CSMD1: variants seen among roughly 807,000 people sequenced by gnomAD.
CSMD1 encodes the protein CUB and sushi domain-containing protein 1.
Under a neutral mutation model 417.5 loss-of-function variants are expected in CSMD1, and 213 were observed. The observed-to-expected ratio is 0.51, with a 90% confidence interval of 0.46 to 0.57. The LOEUF (loss-of-function observed/expected upper bound fraction) is 0.57, where lower values mean the gene tolerates loss of function less well. Ranked by LOEUF, CSMD1 falls within the 20% of genes least tolerant of loss-of-function variation. The pLI, the probability that CSMD1 is intolerant of heterozygous loss-of-function variation, is 0.00. For synonymous variants in CSMD1, 2,862 were observed against 1,736.8 expected (o/e 1.65, Z -16.11); for missense variants, 6,923 against 4,529.7 (o/e 1.53, Z -15.17).
chr8:3,366,818 A>C (rs1249816890), intron 20 of CSMD1, among the ~76,000 whole-genome samples: 1 of 152,198 alleles, frequency 6.6e-6, no homozygotes, highest in Non-Finnish European at 1.5e-5. Context: ...TGTGTAACAC[A>C]AAGTGGCATT....
chr8:3,932,208 C>A lies in CSMD1; in HGVS notation c.818+65695G>T, dbSNP rs1291952471. ...CACTGTTTCATCGATACTTTGGTCC[C>A]ATATCATGTTACTGAAAAGGGTCAA... On this transcript the variant is annotated intron_variant, in intron 5 of 69. Transcript: ENST00000635120. Among the ~76,000 whole-genome samples, 2 of 150,202 alleles carry A rather than the reference C, an allele frequency of 1.3e-5. 1 individual carries two copies. The highest frequency in any genetic ancestry group is 3.0e-5 in the Non-Finnish European group (2 of 67,454).
intron 3 of CSMD1, among the ~76,000 whole-genome samples, chr8:4,168,058 G>T (rs1191211887): frequency 6.6e-6 from 1 of 151,616 alleles, no homozygotes; most frequent in East Asian, 1.9e-4. Flanking sequence ...GAAACCAGGA[G>T]GCAGAAGTTG....
At position 3,042,147 on chromosome 8, in the gene CSMD1, C is replaced by G. The variant is rs138219389; in HGVS notation, c.7660+10315G>C. Among the ~76,000 whole-genome samples the G allele has an allele frequency of 2.1e-4, 32 of 152,268 alleles. No homozygotes were observed. The East Asian group carries it at 6.0e-3, about 29-fold the overall frequency. ...GTGATGGGGACAATTCTCCAGGGGT[C>G]TCTCATGCATCTGGTTAGCTGAGAT... On this transcript the variant is annotated intron_variant, in intron 50 of 69. Coordinates refer to ENST00000635120, the MANE Select transcript of CSMD1 (RefSeq NM_033225.6).
intron 11 of CSMD1, among the ~76,000 whole-genome samples, chr8:3,485,910 C>G (rs1360643355): frequency 6.6e-6 from 1 of 152,002 alleles, no homozygotes; most frequent in Non-Finnish European, 1.5e-5. Flanking sequence ...TGTAGATTTG[C>G]AAAACATTTC....
chr8:3,220,839 C>G (rs1798166519), intron 28 of CSMD1, among the ~76,000 whole-genome samples: 1 of 151,952 alleles, frequency 6.6e-6, no homozygotes, highest in African/African-American at 2.4e-5. Context: ...ATCTCAAAAA[C>G]CAATCAACCA....
At chr8:4,758,408 A>G (rs75698362) in intron 1 of CSMD1, among the ~76,000 whole-genome samples, 1,607 of 152,300 alleles carry the variant, frequency 0.011, 13 homozygotes, top group East Asian at 0.054. Context: ...GCAAGGCCAT[A>G]GATTGTAGAA....
At chr8:4,758,607 T>G (rs893623424) in intron 1 of CSMD1, among the ~76,000 whole-genome samples, 1 of 152,124 alleles carries the variant, frequency 6.6e-6, no homozygotes, top group Non-Finnish European at 1.5e-5. Flanking sequence ...AAACAAAAGA[T>G]GTTTAATTGA....
At chr8:4,735,097 G>A (rs573435184) in intron 1 of CSMD1, among the ~76,000 whole-genome samples, 4 of 152,296 alleles carry the variant, frequency 2.6e-5, no homozygotes, top group South Asian at 2.1e-4. Context: ...GAAAGTTTCC[G>A]CAGGGAAGAG....
chr8:4,381,448 T>TG (rs1803099482), intron 3 of CSMD1, among the ~76,000 whole-genome samples: 1 of 152,136 alleles, frequency 6.6e-6, no homozygotes, highest in African/African-American at 2.4e-5. Flanking sequence ...GGGTGGGGGC[T>TG]GGTGCCGACG....
Position 4,359,702 on chromosome 8 carries a change from T to G in CSMD1, c.415+60251A>C, listed in dbSNP as rs376949216. Among the ~76,000 whole-genome samples, 25 of 152,318 alleles carry G rather than the reference T, an allele frequency of 1.6e-4. No homozygotes were observed. In the East Asian group the frequency reaches 3.1e-3, roughly 19 times the overall value. ...ATCCTCAGCCCTCTGGGTTTTAGTG[T>G]GTTTGTCTATAGACAGGAGCACTGT... On this transcript the variant is annotated intron_variant, in intron 3 of 69. Transcript: ENST00000635120.
chr8:3,719,327 C>A lies in CSMD1; in HGVS notation c.932-10836G>T, dbSNP rs186214705. Reference sequence around the variant, plus strand: ...CCAGATAGCTGAGCTCCAATCTCACCCCTGAAATGTTCTGAAATCCTGAGC... The same window carrying A: ...CCAGATAGCTGAGCTCCAATCTCACACCTGAAATGTTCTGAAATCCTGAGC... On this transcript the variant is annotated intron_variant, in intron 6 of 69. Coordinates refer to ENST00000635120, the MANE Select transcript of CSMD1 (RefSeq NM_033225.6). Among the ~76,000 whole-genome samples, 4 of 152,190 alleles carry A rather than the reference C, an allele frequency of 2.6e-5. No homozygotes were observed. In the East Asian group the frequency reaches 7.8e-4, roughly 29 times the overall value.
intron 7 of CSMD1, among the ~76,000 whole-genome samples, chr8:3,621,170 G>C (rs1475200218): frequency 1.3e-5 from 2 of 152,188 alleles, no homozygotes; most frequent in East Asian, 3.9e-4. Context: ...CTCTAGAATT[G>C]TGGTAAAGTG....
At chr8:3,384,803 TTATA>T (rs1348128419) in intron 18 of CSMD1, among the ~76,000 whole-genome samples, 2 of 123,506 alleles carry the variant, frequency 1.6e-5, no homozygotes, top group African/African-American at 3.1e-5. Context: ...TATATGCTAT[TTATA>T]TATAAATATA....
chr8:4,184,804 T>C (rs1798571190), intron 3 of CSMD1, among the ~76,000 whole-genome samples: 1 of 151,830 alleles, frequency 6.6e-6, no homozygotes, highest in South Asian at 2.1e-4. Context: ...CAGGTTTACT[T>C]ATATAGGAAA....
chr8:4,327,311 T>A (rs193066842), intron 3 of CSMD1, among the ~76,000 whole-genome samples: 1 of 152,276 alleles, frequency 6.6e-6, no homozygotes, highest in African/African-American at 2.4e-5. Context: ...TCTTCCTTCT[T>A]TTCAAGAGCA....
chr8:3,310,228 A>G (rs1047041558), intron 23 of CSMD1, among the ~76,000 whole-genome samples: 3 of 152,116 alleles, frequency 2.0e-5, no homozygotes, highest in Admixed American at 6.5e-5. Flanking sequence ...AAGACATTCA[A>G]TATCATGTAT....
chr8:3,828,283 T>C (rs1186430791), intron 5 of CSMD1, among the ~76,000 whole-genome samples: 3 of 152,172 alleles, frequency 2.0e-5, no homozygotes, highest in Admixed American at 2.0e-4. Context: ...CTTCCGAACA[T>C]GCTTATTTTC....
At chr8:4,514,924 C>G (rs562274534) in intron 2 of CSMD1, among the ~76,000 whole-genome samples, 14 of 152,148 alleles carry the variant, frequency 9.2e-5, no homozygotes, top group East Asian at 1.9e-4. Flanking sequence ...CAATATGAAT[C>G]CAGACTCATT....
chr8:3,277,601 C>G (rs756374329), intron 26 of CSMD1, among the ~76,000 whole-genome samples: 13 of 152,156 alleles, frequency 8.5e-5, no homozygotes, highest in African/African-American at 1.7e-4. Context: ...ATGGAGTTGA[C>G]TTTACCAAAA....
Sources: gnomAD v4.1 joint callset for allele counts (sites outside exome capture counted in the v4.1 genomes callset) on GRCh38, gnomAD v4.1.1 for gene constraint, MANE v1.5 for transcripts, NCBI Gene and HGNC (gene_info 2026-07-23, HGNC 2026-07-21) for gene names.